Variants in NAE1 observed in about 807,000 individuals in gnomAD.
The protein encoded by NAE1 is NEDD8-activating enzyme E1 regulatory subunit.
A neutral mutation model predicts 88.0 loss-of-function variants in NAE1; 59 were observed. The ratio of observed to expected loss-of-function variants is 0.67; its 90% CI spans 0.54 to 0.83. The LOEUF is 0.83. NAE1 is among the 40% of genes least tolerant of loss of function. The pLI is 0.00. For missense variants in NAE1, 554 were observed against 632.8 expected (o/e 0.88, Z 1.34); for synonymous variants, 186 against 208.9 (o/e 0.89, Z 0.95).
chr16:66,819,068 T>C (rs1960157654), intron 7 of NAE1, among the ~76,000 whole-genome samples: 1 of 152,222 alleles, frequency 6.6e-6, no homozygotes, highest in African/African-American at 2.4e-5. Flanking sequence ...CACAGGTTTT[T>C]TCACTGTTTT....
intron 15 of NAE1, 29 bp from the exon 16 acceptor site, chr16:66,809,104 A>C: frequency 3.3e-6 from 5 of 1,533,964 alleles, no homozygotes; most frequent in Non-Finnish European, 4.5e-6. Context: ...TTCTGGAAGT[A>C]ATGACTGTGA....
At chr16:66,807,644 G>GAAA (rs397932750) in intron 17 of NAE1, among the ~76,000 whole-genome samples, 1 of 139,714 alleles carries the variant, frequency 7.2e-6, no homozygotes, top group Non-Finnish European at 1.6e-5. Context: ...CGTCTCAAAA[G>GAAA]AAAAAAAAAA....
rs766304144 is a variant in NAE1 at position 66,830,932 on chromosome 16, C to A, written c.-33G>T. The A allele has an allele frequency of 6.7e-6, 10 of 1,501,778 alleles. No individual in the cohort carries two copies. The East Asian group carries it at 1.7e-4, about 25-fold the overall frequency. 93.0% of individuals were successfully genotyped at this position (1,501,778 alleles called of 1,614,324 possible). A position where few individuals can be genotyped will look rare whatever the true frequency, so the allele number is the denominator to read the frequency against. On this transcript the variant is annotated 5_prime_UTR_variant, in exon 1 of 20. Coordinates refer to ENST00000290810, the MANE Select transcript of NAE1 (RefSeq NM_003905.4). ...CCTGCCGCGCGGAAAACAGCCGAGCCCCTGCGGAGCGCCGCCACCAGCTCC... is the reference window on the plus strand; with the variant it reads ...CCTGCCGCGCGGAAAACAGCCGAGCACCTGCGGAGCGCCGCCACCAGCTCC...
intron 6 of NAE1, 75 bp downstream of exon 6, chr16:66,823,152 T>C (rs1960335715): frequency 2.4e-6 from 2 of 828,416 alleles, no homozygotes; most frequent in Non-Finnish European, 3.6e-6. Flanking sequence ...CATATCATCA[T>C]AGACTGTGCA....
chr16:66,813,761 A>C (rs374301277), intron 12 of NAE1, 26 bp downstream of exon 12: 133 of 1,612,844 alleles, frequency 8.2e-5, no homozygotes, highest in Middle Eastern at 6.6e-4. Context: ...TTTTAGCAGC[A>C]ATGTTTTTAC....
rs552566873 is a variant in NAE1 at position 66,810,061 on chromosome 16, C to A, written c.1150+313G>T. On this transcript the variant is annotated intron_variant, in intron 15 of 19. Transcript: ENST00000290810. ...AGACTTCACACCCAAAGTCTTCAGA[C>A]AAAAAAACTTCCTAAATTACTTAAA... Among the ~76,000 whole-genome samples, 57 of 152,050 alleles carry A rather than the reference C, an allele frequency of 3.7e-4. 1 individual carries two copies. The highest frequency in any genetic ancestry group is 5.9e-5 in the Non-Finnish European group (4 of 67,978).
intron 13 of NAE1, among the ~76,000 whole-genome samples, chr16:66,811,463 A>AT (rs1959795844): frequency 6.6e-6 from 1 of 152,078 alleles, no homozygotes; most frequent in Non-Finnish European, 1.5e-5. Context: ...CCTTTTTAGC[A>AT]TTGCCATAGA....
intron 19 of NAE1, among the ~76,000 whole-genome samples, chr16:66,805,229 A>C (rs538455733): frequency 1.3e-5 from 2 of 152,146 alleles, no homozygotes; most frequent in South Asian, 4.1e-4. Context: ...GAACCAAAAC[A>C]CAGGGTTTTT....
chr16:66,830,164 G>C (rs939601071), intron 1 of NAE1, among the ~76,000 whole-genome samples: 24 of 152,168 alleles, frequency 1.6e-4, no homozygotes, highest in African/African-American at 5.8e-4. Context: ...TGGGATTACA[G>C]GCGTGAGCCA....
intron 4 of NAE1, among the ~76,000 whole-genome samples, chr16:66,824,317 G>A (rs1168147828): frequency 1.3e-5 from 2 of 152,132 alleles, no homozygotes; most frequent in African/African-American, 4.8e-5. Flanking sequence ...TTTAGGCTGG[G>A]CGTGGTGGCT....
chr16:66,830,595 T>G (rs1022002372), intron 1 of NAE1, among the ~76,000 whole-genome samples: 13 of 152,300 alleles, frequency 8.5e-5, no homozygotes, highest in Middle Eastern at 3.4e-3. Flanking sequence ...CCGCCTTAGC[T>G]ACCCGGCTGG....
At chr16:66,814,104 G>A (rs576255711) in intron 11 of NAE1, among the ~76,000 whole-genome samples, 1 of 152,170 alleles carries the variant, frequency 6.6e-6, no homozygotes, top group Admixed American at 6.5e-5. Context: ...GGTAAAGAAG[G>A]GGCCCCAGTA....
At chr16:66,830,610 G>A (rs979035164) in intron 1 of NAE1, among the ~76,000 whole-genome samples, 1 of 152,208 alleles carries the variant, frequency 6.6e-6, no homozygotes, top group Admixed American at 6.5e-5. Context: ...GGCTGGCGCT[G>A]GGGACCCCGT....
intron 13 of NAE1, among the ~76,000 whole-genome samples, chr16:66,811,027 CT>C (rs1289023714): frequency 2.0e-5 from 3 of 152,128 alleles, no homozygotes; most frequent in Admixed American, 6.5e-5. Flanking sequence ...AACTGCTCCC[CT>C]AGAGGGATCT....
chr16:66,823,524 T>C lies in NAE1; in HGVS notation c.321+5A>G. ...ACAGACATAATAATGTGTGTACATA[T>C]ATACCTCTTCCACAAAACTTCCAGA... On this transcript the variant is annotated splice_donor_5th_base_variant and intron_variant, in intron 5 of 19. Coordinates refer to ENST00000290810, the MANE Select transcript of NAE1 (RefSeq NM_003905.4). 1.2e-6 allele frequency: 2 copies of C among 1,607,892 alleles called. No homozygotes were observed. The highest frequency in any genetic ancestry group is 1.1e-5 in the South Asian group (1 of 90,106).
intron 14 of NAE1, 24 bp from the exon 15 acceptor site, chr16:66,810,437 C>G (rs1406156072): frequency 5.0e-6 from 8 of 1,585,320 alleles, no homozygotes; most frequent in Non-Finnish European, 6.9e-6. Context: ...AATACAGATT[C>G]TGTTCCAGTT....
chr16:66,818,379 AAAC>A, intron 8 of NAE1, 146 bp downstream of exon 8: 1 of 609,098 alleles, frequency 1.6e-6, no homozygotes, highest in East Asian at 3.2e-5. Context: ...AATATGTTGA[AAAC>A]AAGGTAAAAT....
intron 11 of NAE1, among the ~76,000 whole-genome samples, chr16:66,816,187 G>GC (rs1257130684): frequency 6.6e-6 from 1 of 151,716 alleles, no homozygotes; most frequent in Non-Finnish European, 1.5e-5. Flanking sequence ...GGCATCTGAG[G>GC]CGGAGTCTTA....
At chr16:66,814,686 T>G (rs1012772840) in intron 11 of NAE1, among the ~76,000 whole-genome samples, 6 of 151,440 alleles carry the variant, frequency 4.0e-5, no homozygotes, top group African/African-American at 1.5e-4. Context: ...CAGTGGGACC[T>G]CCTAACTGCT....
Sources: gnomAD v4.1 joint callset for allele counts (sites outside exome capture counted in the v4.1 genomes callset) on GRCh38, gnomAD v4.1.1 for gene constraint, MANE v1.5 for transcripts, NCBI Gene and HGNC (gene_info 2026-07-23, HGNC 2026-07-21) for gene names.